RBM25: variants seen among roughly 807,000 people sequenced by gnomAD.
The protein encoded by RBM25 is RNA binding motif protein 25, also known as RNA-binding protein 25.
A neutral mutation model predicts 120.7 loss-of-function variants in RBM25; 19 were observed. The observed-to-expected ratio is 0.16, with a 90% CI of 0.11 to 0.23. The LOEUF (loss-of-function observed/expected upper bound fraction) is 0.23, where lower values mean the gene tolerates loss of function less well. Among genes scored for constraint, RBM25 ranks in the 10% least tolerant of loss-of-function variants. The probability of loss-of-function intolerance (pLI) is 1.00; values close to 1 mark genes in which losing one functional copy is unlikely to be tolerated. For synonymous variants in RBM25, 390 were observed against 326.7 expected (o/e 1.19, Z -2.09); for missense variants, 605 against 1,041.5 (o/e 0.58, Z 5.77).
At chr14:73,112,379 T>A (rs1361123611) in intron 17 of RBM25, 129 bp downstream of exon 17, 2 of 872,676 alleles carry the variant, frequency 2.3e-6, no homozygotes, top group East Asian at 6.7e-5. Context: ...GTGATTTATA[T>A]CTGCTTTTTT....
rs1416911275 is a variant in RBM25, at chr14:73,094,819, G to A, written c.544-2096G>A. 5.6e-5 allele frequency among the ~76,000 whole-genome samples: 7 copies of A among 124,288 alleles called. No homozygotes were observed. The Admixed American group carries it at 6.2e-4, about 11-fold the overall frequency. 81.5% of individuals were successfully genotyped at this position (124,288 alleles called of 152,430 possible). ...GGGATTACAGGAGCGAGGTGTGTGT[G>A]TGTGTGTGTGTGTGTGTGTGTGTCT... is the stretch of plus-strand genomic sequence containing the variant. On this transcript the variant is annotated intron_variant, in intron 6 of 18. Transcript: ENST00000261973.
At chr14:73,093,528 C>G (rs1023113171) in intron 6 of RBM25, among the ~76,000 whole-genome samples, 1 of 152,102 alleles carries the variant, frequency 6.6e-6, no homozygotes, top group Non-Finnish European at 1.5e-5. Flanking sequence ...CTCTGCCCAC[C>G]GAAGTCTCAC....
intron 14 of RBM25, 54 bp from the exon 15 acceptor site, chr14:73,110,777 A>G: frequency 1.3e-6 from 2 of 1,538,922 alleles, no homozygotes; most frequent in Non-Finnish European, 8.7e-7. Context: ...TAAAACAAAA[A>G]TCAAGTTGAA....
intron 13 of RBM25, 167 bp from the exon 14 acceptor site, chr14:73,109,175 T>C: frequency 1.6e-6 from 1 of 616,644 alleles, no homozygotes. Flanking sequence ...TACATTTACA[T>C]GTAGAGAGCA....
At chr14:73,066,891 T>C (rs1315196422) in intron 1 of RBM25, among the ~76,000 whole-genome samples, 1 of 152,036 alleles carries the variant, frequency 6.6e-6, no homozygotes, top group Non-Finnish European at 1.5e-5. Context: ...ATGAGGGAAA[T>C]GTAAATTGAA....
chr14:73,092,759 G>T (rs772357774), intron 6 of RBM25, among the ~76,000 whole-genome samples: 35 of 151,900 alleles, frequency 2.3e-4, no homozygotes, highest in South Asian at 8.3e-4. Context: ...ATGAGATGGG[G>T]TCTCGCGTTG....
intron 9 of RBM25, chr14:73,099,973 A>C: frequency 1.7e-6 from 1 of 576,724 alleles, no homozygotes; most frequent in East Asian, 3.4e-5. Flanking sequence ...TTCTGCAGTC[A>C]TCTCACTTTA....
intron 12 of RBM25, 54 bp downstream of exon 12, chr14:73,106,339 CT>C: frequency 7.3e-7 from 1 of 1,368,266 alleles, no homozygotes; most frequent in Non-Finnish European, 1.0e-6. Context: ...CAGATTGTAT[CT>C]TTACTGCTAA....
chr14:73,082,903 T>TA (rs1441284498), intron 4 of RBM25, among the ~76,000 whole-genome samples: 4 of 138,178 alleles, frequency 2.9e-5, no homozygotes, highest in East Asian at 2.1e-4. Context: ...CTACTAAAAA[T>TA]AAATAAAAAA....
intron 17 of RBM25, among the ~76,000 whole-genome samples, chr14:73,113,707 GAA>G: frequency 6.6e-6 from 1 of 151,824 alleles, no homozygotes; most frequent in East Asian, 2.0e-4. Context: ...TAAAAAAAAA[GAA>G]AAAAGAAAAA....
intron 1 of RBM25, among the ~76,000 whole-genome samples, chr14:73,062,896 T>A (rs1263705211): frequency 6.7e-6 from 1 of 148,974 alleles, no homozygotes; most frequent in Non-Finnish European, 1.5e-5. Context: ...GCTCGGCTCA[T>A]TGCAACCTCC....
intron 7 of RBM25, among the ~76,000 whole-genome samples, chr14:73,098,506 G>A (rs1161783702): frequency 6.6e-6 from 1 of 152,134 alleles, no homozygotes; most frequent in Non-Finnish European, 1.5e-5. Context: ...GTTATGAATG[G>A]ATGGTTACAT....
intron 4 of RBM25, among the ~76,000 whole-genome samples, chr14:73,082,269 CTTT>C (rs527793073): frequency 6.6e-6 from 1 of 151,878 alleles, no homozygotes; most frequent in African/African-American, 2.4e-5. Flanking sequence ...CTCCTTCTGT[CTTT>C]TTTTTAACTG....
At chr14:73,078,448 G>A (rs1171749577) in intron 4 of RBM25, among the ~76,000 whole-genome samples, 2 of 152,138 alleles carry the variant, frequency 1.3e-5, no homozygotes, top group Non-Finnish European at 2.9e-5. Flanking sequence ...CTATGATCTT[G>A]TAATTGCACT....
At chr14:73,095,899 A>C (rs1266429343) in intron 6 of RBM25, among the ~76,000 whole-genome samples, 2 of 152,112 alleles carry the variant, frequency 1.3e-5, no homozygotes, top group Non-Finnish European at 2.9e-5. Flanking sequence ...ATGCACAACT[A>C]TTGTAGCACA....
chr14:73,090,639 T>A (rs906065713), intron 6 of RBM25, among the ~76,000 whole-genome samples: 1 of 152,238 alleles, frequency 6.6e-6, no homozygotes, highest in African/African-American at 2.4e-5. Flanking sequence ...TATAGCTGTT[T>A]TAGTAGATAT....
intron 17 of RBM25, among the ~76,000 whole-genome samples, chr14:73,112,718 T>A (rs1896337271): frequency 6.6e-6 from 1 of 152,198 alleles, no homozygotes; most frequent in Non-Finnish European, 1.5e-5. Flanking sequence ...GTAGTAACGA[T>A]CAGTGTTTAT....
chr14:73,096,810 G>C, intron 6 of RBM25, 105 bp from the exon 7 acceptor site: 1 of 937,962 alleles, frequency 1.1e-6, no homozygotes, highest in Non-Finnish European at 1.6e-6. Flanking sequence ...TAGGACTACA[G>C]AGATGTTTTT....
chr14:73,113,312 C>T (rs879573034), intron 17 of RBM25, among the ~76,000 whole-genome samples: 5 of 151,886 alleles, frequency 3.3e-5, no homozygotes, highest in Non-Finnish European at 7.4e-5. Flanking sequence ...GTCTTGAACT[C>T]CTGACCTCAA....
Sources: allele counts gnomAD v4.1 joint callset (sites outside exome capture counted in the v4.1 genomes callset), GRCh38; gene constraint gnomAD v4.1.1; transcripts MANE v1.5; gene names NCBI Gene and HGNC (gene_info 2026-07-23, HGNC 2026-07-21).